Variants in TXLNG observed in about 807,000 individuals in gnomAD.
TXLNG encodes the protein gamma-taxilin.
In TXLNG, 5 loss-of-function variants were observed where a neutral mutation model predicts 38.8. The observed-to-expected ratio is 0.13, with a 90% CI of 0.07 to 0.27. TXLNG has a LOEUF of 0.27. Ranked by LOEUF, TXLNG falls within the 10% of genes least tolerant of loss-of-function variation. The pLI, the probability that TXLNG is intolerant of heterozygous loss-of-function variation, is 1.00. For missense variants in TXLNG, 393 were observed against 398.2 expected (o/e 0.99, Z 0.11); for synonymous variants, 182 against 158.2 (o/e 1.15, Z -1.13).
chrX:16,820,896 G>A (rs1004646810), intron 3 of TXLNG, among the ~76,000 whole-genome samples: 1 of 110,895 alleles, frequency 9.0e-6, no homozygotes, highest in East Asian at 2.8e-4. Context: ...AACCTCCTGA[G>A]TAGCTGGGAC....
chrX:16,790,437 G>A (rs1927661340), intron 1 of TXLNG, among the ~76,000 whole-genome samples: 1 of 110,276 alleles, frequency 9.1e-6, no homozygotes, highest in Non-Finnish European at 1.9e-5. Flanking sequence ...CCTAGGCTCA[G>A]GCGATCGTTC....
At chrX:16,795,775 A>T (rs1337715745) in intron 1 of TXLNG, among the ~76,000 whole-genome samples, 2 of 110,048 alleles carry the variant, frequency 1.8e-5, no homozygotes, top group African/African-American at 6.6e-5. Flanking sequence ...TTTGGGTAAC[A>T]TGCCATACAG....
At chrX:16,801,678 T>C (rs1928096240) in intron 1 of TXLNG, among the ~76,000 whole-genome samples, 1 of 111,819 alleles carries the variant, frequency 8.9e-6, no homozygotes, top group East Asian at 2.8e-4. Flanking sequence ...TATGATAGAT[T>C]AATTCTCCAG....
At chrX:16,838,859 G>C (rs987890031) in intron 8 of TXLNG, among the ~76,000 whole-genome samples, 1 of 111,911 alleles carries the variant, frequency 8.9e-6, no homozygotes, top group African/African-American at 3.3e-5. Context: ...CTCTGTCCGT[G>C]GCTGCAGAGA....
At chrX:16,794,397 T>C (rs1485076176) in intron 1 of TXLNG, among the ~76,000 whole-genome samples, 1 of 111,953 alleles carries the variant, frequency 8.9e-6, no homozygotes, top group Admixed American at 9.6e-5. Context: ...TAATATCTTT[T>C]GCTTCATTCA....
rs1173010226 is a variant in TXLNG at position 16,817,506 on chromosome X, A to C, written c.103-1068A>C. ...AATCTCAAATATCTGCTCTCCCATA[A>C]ATTTTGAAAGTAGCTTTTGTCCATT... On this transcript the variant is annotated intron_variant, in intron 1 of 9. Coordinates refer to ENST00000380122, the MANE Select transcript of TXLNG (RefSeq NM_018360.3). Among the ~76,000 whole-genome samples the C allele has an allele frequency of 2.7e-5, 3 of 112,137 alleles. No homozygotes were observed. The East Asian group carries it at 8.4e-4, about 31-fold the overall frequency.
chrX:16,841,232 C>T (rs978635253), intron 9 of TXLNG, among the ~76,000 whole-genome samples, 196 bp from the exon 10 acceptor site: 1 of 110,607 alleles, frequency 9.0e-6, no homozygotes, highest in South Asian at 3.8e-4. Context: ...TAATTTTGTC[C>T]CCCTGAAACA....
chrX:16,794,153 CT>C (rs1280371564), intron 1 of TXLNG, among the ~76,000 whole-genome samples: 1 of 111,864 alleles, frequency 8.9e-6, no homozygotes, highest in East Asian at 2.8e-4. Context: ...AGTTTCGGCT[CT>C]TTGGGCTCCA....
At chrX:16,817,063 C>G (rs2147479736) in intron 1 of TXLNG, among the ~76,000 whole-genome samples, 1 of 112,122 alleles carries the variant, frequency 8.9e-6, no homozygotes, top group East Asian at 2.8e-4. Context: ...AGTAGATACT[C>G]TTCTAGCACC....
chrX:16,844,381 T>C lies in TXLNG; in HGVS notation c.*2615T>C, dbSNP rs914378593. 8.9e-6 allele frequency: 1 copy of C among 112,587 alleles called. No homozygotes were observed. The highest frequency in any genetic ancestry group is 1.9e-5 in the Non-Finnish European group (1 of 53,347). 9.3% of individuals were successfully genotyped at this position (112,587 alleles called of 1,213,427 possible). A position where few individuals can be genotyped will look rare whatever the true frequency, so the allele number is the denominator to read the frequency against. On this transcript the variant is annotated 3_prime_UTR_variant, in exon 10 of 10. Coordinates refer to ENST00000380122, the MANE Select transcript of TXLNG (RefSeq NM_018360.3). ...CTGCTTTATTTTTACAGCCCACGTC[T>C]TTCATGAGGATACGAATTGTTAAGA...
intron 1 of TXLNG, among the ~76,000 whole-genome samples, chrX:16,809,097 A>G (rs1928420781): frequency 9.0e-6 from 1 of 111,588 alleles, no homozygotes; most frequent in Non-Finnish European, 1.9e-5. Context: ...AGCCATCAGA[A>G]GTACATTATG....
intron 1 of TXLNG, among the ~76,000 whole-genome samples, chrX:16,799,543 C>T (rs909503883): frequency 1.7e-4 from 19 of 111,278 alleles, no homozygotes; most frequent in Non-Finnish European, 2.6e-4. Flanking sequence ...GAGGCCAAGG[C>T]GGGCGGATCA....
At position 16,803,901 on chromosome X, in the gene TXLNG, G is replaced by T. The variant is rs192697047; in HGVS notation, c.103-14673G>T. Among the ~76,000 whole-genome samples the T allele has an allele frequency of 6.4e-5, 7 of 110,055 alleles. No individual in the cohort carries two copies. The East Asian group carries it at 2.0e-3, about 32-fold the overall frequency. On this transcript the variant is annotated intron_variant, in intron 1 of 9. Transcript: ENST00000380122. ...CGGGAGGCGGAGGTTGTGATGAGCT[G>T]AGATCGTGCCACTGCACTCCAGCCT... is the stretch of plus-strand genomic sequence containing the variant.
chrX:16,802,833 T>C (rs948819847), intron 1 of TXLNG, among the ~76,000 whole-genome samples: 5 of 108,162 alleles, frequency 4.6e-5, no homozygotes, highest in African/African-American at 1.7e-4. Flanking sequence ...TTTTTTTTTT[T>C]TTTTTGAGAC....
At chrX:16,832,840 A>G in intron 6 of TXLNG, 98 bp downstream of exon 6, 1 of 1,053,965 alleles carries the variant, frequency 9.5e-7, no homozygotes, top group Non-Finnish European at 1.3e-6. Context: ...TGAAACATTT[A>G]TCTATTCTAC....
intron 7 of TXLNG, among the ~76,000 whole-genome samples, chrX:16,835,995 C>T (rs4828560): frequency 0.47 from 52,612 of 111,556 alleles, 9,202 homozygotes; most frequent in East Asian, 0.84. Flanking sequence ...GCCTGCGAGG[C>T]GCAGTGGCTC....
intron 1 of TXLNG, among the ~76,000 whole-genome samples, chrX:16,794,058 T>C (rs1927794018): frequency 1.8e-5 from 2 of 111,986 alleles, no homozygotes; most frequent in African/African-American, 6.5e-5. Flanking sequence ...AGAAGGTAAG[T>C]ACTGTACATC....
At position 16,827,425 on chromosome X, in the gene TXLNG, AT is replaced by A. The variant is rs1438190223; in HGVS notation, c.499-665del. 5.4e-5 allele frequency among the ~76,000 whole-genome samples: 6 copies of A among 111,030 alleles called. No homozygotes were observed. The East Asian group carries it at 1.7e-3, about 31-fold the overall frequency. On this transcript the variant is annotated intron_variant, in intron 3 of 9. Coordinates refer to ENST00000380122, the MANE Select transcript of TXLNG (RefSeq NM_018360.3). Reference sequence around the variant, plus strand: ...TTTCAGCTAGAACTGGAGCTGGTTTATTTTCCAAAGGGTTAAGGCTGGAATA... The same window carrying A: ...TTTCAGCTAGAACTGGAGCTGGTTTATTTCCAAAGGGTTAAGGCTGGAATA...
At chrX:16,821,887 G>A (rs1041318909) in intron 3 of TXLNG, among the ~76,000 whole-genome samples, 2 of 109,699 alleles carry the variant, frequency 1.8e-5, no homozygotes. Flanking sequence ...CCAGCTACTC[G>A]GGAGGCTGAG....
Sources: allele counts gnomAD v4.1 joint callset (sites outside exome capture counted in the v4.1 genomes callset), GRCh38; gene constraint gnomAD v4.1.1; transcripts MANE v1.5; gene names NCBI Gene and HGNC (gene_info 2026-07-23, HGNC 2026-07-21).